Variants in ABCC10 observed in about 807,000 individuals in gnomAD.
ABCC10 encodes the protein ATP binding cassette subfamily C member 10, also known as ATP-binding cassette sub-family C member 10.
In ABCC10, 110 loss-of-function variants were observed where a neutral mutation model predicts 143.2. The ratio of observed to expected loss-of-function variants is 0.77; its 90% confidence interval spans 0.66 to 0.90. The LOEUF (loss-of-function observed/expected upper bound fraction) is 0.90. Among genes scored for constraint, ABCC10 ranks in the 40% least tolerant of loss-of-function variants. ABCC10 has a pLI of 0.00. For synonymous variants in ABCC10, 805 were observed against 846.7 expected, an observed-to-expected ratio of 0.95 and a Z score of 0.85; for missense variants, 1,700 against 1,900.5, an observed-to-expected ratio of 0.89 and a Z score of 1.96.
chr6:43,441,878 A>G lies in ABCC10; in HGVS notation c.2144A>G (p.Asp715Gly). The part of the protein sequence containing the change: ...NDDLSILPAG[D>G]QTEVGEKGVT... ...TTCCATCAGATCCTGCCTGCTGGAG[A>G]CCAGACAGAGGTGGGGGAGAAGGGT... Residue 715 changes from aspartate (D) to glycine (G), a missense_variant, in exon 9 of 22, where the codon GAC becomes GGC. Physicochemically the swap from Asp to Gly is moderately conservative, Grantham distance 94. Transcript: ENST00000372530. The G allele has an allele frequency of 1.9e-6, 3 of 1,613,542 alleles. No individual in the cohort carries two copies. Among genetic ancestry groups the G allele is most frequent in the Non-Finnish European group, 2.5e-6 (3 of 1,179,804 alleles).
At chr6:43,447,190 C>G in intron 16 of ABCC10, 58 bp from the exon 17 acceptor site, 1 of 1,573,160 alleles carries the variant, frequency 6.4e-7, no homozygotes, top group Non-Finnish European at 8.6e-7. Context: ...CCTGGGGAGT[C>G]TCCCACAAAC....
chr6:43,447,994 A>G, intron 18 of ABCC10, 57 bp downstream of exon 18: 1 of 1,597,968 alleles, frequency 6.3e-7, no homozygotes, highest in South Asian at 1.1e-5. Flanking sequence ...TGGCACTTAG[A>G]GGAGGGCATA....
At chr6:43,451,896 G>C (rs2275667), downstream of ABCC10, 1 of 1,610,340 alleles carries the variant, frequency 6.2e-7, no homozygotes, top group South Asian at 1.1e-5. The surrounding 1 kb of genome is among the most constrained non-coding windows in gnomAD (Gnocchi z 4.4). Flanking sequence ...CCATCACCAG[G>C]TTCTGGTCTA....
intron 20 of ABCC10, 53 bp downstream of exon 20, chr6:43,449,257 G>A (rs1783486151): frequency 1.8e-5 from 28 of 1,587,098 alleles, no homozygotes; most frequent in South Asian, 3.4e-5. Context: ...GCTGGGGGCC[G>A]GGAGGTGGGG....
downstream of ABCC10, among the ~76,000 whole-genome samples, chr6:43,451,618 G>A (rs1410629211): frequency 1.3e-5 from 2 of 152,116 alleles, no homozygotes; most frequent in East Asian, 3.9e-4. The surrounding 1 kb of genome is among the most constrained non-coding windows in gnomAD (Gnocchi z 4.4). Flanking sequence ...ACACAGAAGG[G>A]TGCAAGCCAG....
intron 7 of ABCC10, chr6:43,438,229 C>G: frequency 1.0e-6 from 1 of 961,900 alleles, no homozygotes. Flanking sequence ...CTATAATAGT[C>G]AGCAAAGGAA....
At position 43,449,029 on chromosome 6, in the gene ABCC10, G is replaced by C. The variant is rs773330528; in HGVS notation, c.4105+3G>C. The stretch of plus-strand genomic sequence containing the variant: ...GAGTGAGGTGATTACATCCATGGGT[G>C]AGTGCTGGACCCTGACCTTAGAGCA... On this transcript the variant is annotated splice_donor_region_variant and intron_variant, in intron 19 of 21. Coordinates refer to ENST00000372530, the MANE Select transcript of ABCC10 (RefSeq NM_001198934.2). 3 of 1,613,908 alleles carry C rather than the reference G, an allele frequency of 1.9e-6. No homozygotes were observed. The highest frequency in any genetic ancestry group is 2.5e-6 in the Non-Finnish European group (3 of 1,179,820).
Position 43,432,648 on chromosome 6 carries a change from G to A in ABCC10, c.668G>A (p.Arg223His), listed in dbSNP as rs202192363. 27 of 1,613,888 alleles carry A rather than the reference G, an allele frequency of 1.7e-5. 1 individual carries two copies. The highest frequency in any genetic ancestry group is 1.5e-4 in the South Asian group (14 of 91,084). ...VAEDGESWLS[R>H]FSYAWLAPLL... ...GAAGATGGGGAGAGTTGGCTGTCAC[G>A]CTTTTCCTATGCCTGGCTGGCACCC... Residue 223 changes from arginine to histidine, a missense_variant, in exon 3 of 22, where the codon CGC becomes CAC. By Grantham distance (29) the Arg-to-His change is conservative. Transcript: ENST00000372530.
chr6:43,451,896 G>A (rs2275667), downstream of ABCC10: 358 of 1,610,458 alleles, frequency 2.2e-4, 2 homozygotes, highest in East Asian at 6.4e-3. This position sits in a 1 kb window ranked among gnomAD's most constrained non-coding sequence, Gnocchi z 4.4. Context: ...CCATCACCAG[G>A]TTCTGGTCTA....
At chr6:43,445,011 C>G (rs947409522) in intron 13 of ABCC10, 73 bp downstream of exon 13, 6 of 1,579,660 alleles carry the variant, frequency 3.8e-6, no homozygotes, top group Non-Finnish European at 5.2e-6. Flanking sequence ...GGGTTGTGGC[C>G]GGTATTCCAG....
intron 7 of ABCC10, 63 bp downstream of exon 7, chr6:43,438,076 T>A (rs1294471422): frequency 6.5e-7 from 1 of 1,536,218 alleles, no homozygotes; most frequent in Non-Finnish European, 8.9e-7. Flanking sequence ...GAGCCCCTCT[T>A]ATGTGTTGGA....
intron 2 of ABCC10, among the ~76,000 whole-genome samples, chr6:43,429,371 CTTGTGT>C (rs1562163589): frequency 1.5e-4 from 12 of 79,538 alleles, no homozygotes; most frequent in South Asian, 4.0e-4. Context: ...TCTTTTCTTT[CTTGTGT>C]GTGTGTGTGT....
rs1244778698 is a variant in ABCC10 at position 43,444,932 on chromosome 6, A to T, written c.2834A>T (p.Asn945Ile). The T allele has an allele frequency of 6.2e-7, 1 of 1,609,696 alleles. No homozygotes were observed. The highest frequency in any genetic ancestry group is 8.5e-7 in the Non-Finnish European group (1 of 1,178,264). ...SPQLLLFSPG[N>I]LYIPVFPLPK... The stretch of plus-strand genomic sequence containing the variant: ...CAGCTGCTCCTCTTTTCCCCTGGAA[A>T]CCTCTAGTGAGTGGCTGGGGCTGGG... Residue 945 changes from asparagine (N) to isoleucine (I), a missense_variant, in exon 13 of 22, where the codon AAC (asparagine) becomes ATC (isoleucine). Transcript: ENST00000372530.
chr6:43,448,140 C>T (rs750133962), intron 18 of ABCC10: 2 of 834,706 alleles, frequency 2.4e-6, no homozygotes, highest in Non-Finnish European at 3.9e-6. Flanking sequence ...TCAAGGTCTT[C>T]CTCGCCCTGA....
At chr6:43,447,545 C>T in intron 17 of ABCC10, 137 bp downstream of exon 17, 1 of 1,552,708 alleles carries the variant, frequency 6.4e-7, no homozygotes, top group Non-Finnish European at 8.7e-7. Context: ...AATTCTTCAC[C>T]ATGTCCCTTC....
At position 43,445,757 on chromosome 6, in the gene ABCC10, C is replaced by A; in HGVS notation, c.3189C>A (p.Gly1063=). 2 of 1,614,138 alleles carry A rather than the reference C, an allele frequency of 1.2e-6. No individual in the cohort carries two copies. The highest frequency in any genetic ancestry group is 1.7e-6 in the Non-Finnish European group (2 of 1,180,030). The change falls in exon 15 of 22, where the codon GGC becomes GGA. Residue 1063 remains glycine (G), a synonymous_variant. Transcript: ENST00000372530. ...GGCTCCTGGCCGTGCTGGGCTCTGGCCTGCCCTGGCTGCTGCTCCTGCTGC... is the reference window on the plus strand; with the variant it reads ...GGCTCCTGGCCGTGCTGGGCTCTGGACTGCCCTGGCTGCTGCTCCTGCTGC... ...LLGLLAVLGS[G]LPWLLLLLPP...
chr6:43,443,879 G>T lies in ABCC10; in HGVS notation c.2417-54G>T, dbSNP rs1219497364. 6.5e-7 allele frequency: 1 copy of T among 1,531,878 alleles called. No individual in the cohort carries two copies. 94.9% of individuals were successfully genotyped at this position (1,531,878 alleles called of 1,614,324 possible). A position where few individuals can be genotyped will look rare whatever the true frequency, so the allele number is the denominator to read the frequency against. ...TGGGATCTGCACACGCACTGAGAAA[G>T]GCATAGTATAGACTCAGAACAGTCC... On this transcript the variant is annotated intron_variant, in intron 10 of 21. Transcript: ENST00000372530. The surrounding 1 kb of genome is among the most constrained non-coding windows in gnomAD (Gnocchi z 4.2).
rs752491598 is a variant in ABCC10 at position 43,450,062 on chromosome 6, G to T, written c.4450G>T (p.Gly1484Ter). Residue 1484 changes from glycine to a stop codon, truncating the protein, a stop_gained, in exon 22 of 22, where the codon GGA becomes TGA. Coordinates refer to ENST00000372530, the MANE Select transcript of ABCC10 (RefSeq NM_001198934.2). LOFTEE classifies it low-confidence loss of function (END_TRUNC). The surrounding 1 kb of genome is among the most constrained non-coding windows in gnomAD (Gnocchi z 4.5). ...GCAGCTGCTGCAGAGCAGCCAGCAGGGAGTCCCTGCCTCACTCGGAGGTCC... is the reference window on the plus strand; with the variant it reads ...GCAGCTGCTGCAGAGCAGCCAGCAGTGAGTCCCTGCCTCACTCGGAGGTCC... ...FQQLLQSSQQGVPASLGGP is the reference protein window; with the variant it reads ...FQQLLQSSQQ 6.2e-7 allele frequency: 1 copy of T among 1,609,292 alleles called. No homozygotes were observed. Among genetic ancestry groups the T allele is most frequent in the South Asian group, 1.1e-5 (1 of 90,640 alleles).
rs1402684490 is a variant in ABCC10 at position 43,445,656 on chromosome 6, T to G, written c.3088T>G (p.Ser1030Ala). The part of the protein sequence containing the change: ...PTGRILNRFS[S>A]DVACADDSLP... ...GGGCCGGATCCTAAACCGCTTCTCC[T>G]CTGATGTGGCCTGTGCGGATGACAG... Residue 1030 changes from serine (S) to alanine (A), a missense_variant, in exon 15 of 22, where the codon TCT becomes GCT. Ser to Ala is a moderately conservative substitution (Grantham distance 99, BLOSUM62 1). Transcript: ENST00000372530. 1.2e-6 allele frequency: 2 copies of G among 1,614,174 alleles called. No individual in the cohort carries two copies. The highest frequency in any genetic ancestry group is 1.7e-5 in the Admixed American group (1 of 60,020).
Sources: gnomAD v4.1 joint callset for allele counts (sites outside exome capture counted in the v4.1 genomes callset) on GRCh38, gnomAD v4.1.1 for gene constraint, Gnocchi (gnomAD v3.1) non-coding constraint, MANE v1.5 for transcripts, NCBI Gene and HGNC (gene_info 2026-07-23, HGNC 2026-07-21) for gene names.